SFRP4: variants seen among roughly 807,000 people sequenced by gnomAD.
The protein encoded by SFRP4 is secreted frizzled related protein 4, also known as secreted frizzled-related protein 4.
A neutral mutation model predicts 36.3 loss-of-function variants in SFRP4; 25 were observed. That is an observed-to-expected ratio of 0.69 (90% confidence interval 0.50 to 0.96). The LOEUF is 0.96. Ranked by LOEUF, SFRP4 falls within the 40% of genes least tolerant of loss-of-function variation. The pLI, the probability that SFRP4 is intolerant of heterozygous loss-of-function variation, is 0.00. For synonymous variants in SFRP4, 182 were observed against 168.8 expected, an observed-to-expected ratio of 1.08 and a Z score of -0.60; for missense variants, 487 against 459.6, an observed-to-expected ratio of 1.06 and a Z score of -0.54.
rs548802541 is a variant in SFRP4 at position 37,915,976 on chromosome 7, C to T, written c.445+117G>A. 4.1e-5 allele frequency: 59 copies of T among 1,437,802 alleles called. No homozygotes were observed. In the East Asian group the frequency reaches 1.4e-3, roughly 35 times the overall value. The allele number at this position is 1,437,802 out of a possible 1,614,324, so 89.1% of individuals were successfully genotyped here. A position where few individuals can be genotyped will look rare whatever the true frequency, so the allele number is the denominator to read the frequency against. On this transcript the variant is annotated intron_variant, in intron 1 of 5. Coordinates refer to ENST00000436072, the MANE Select transcript of SFRP4 (RefSeq NM_003014.4). Reference sequence around the variant, plus strand: ...AGAAAATGTTTCCCCCATTCTTTCCCACCTCCTACAAGCCTCAGACGCCCC... The same window carrying T: ...AGAAAATGTTTCCCCCATTCTTTCCTACCTCCTACAAGCCTCAGACGCCCC...
intron 4 of SFRP4, among the ~76,000 whole-genome samples, chr7:37,910,719 G>A (rs1450858): frequency 0.97 from 148,173 of 152,248 alleles, 72,253 homozygotes; most frequent in East Asian, 1. Flanking sequence ...TTTACAAATA[G>A]GAATATTTTC....
At position 37,912,166 on chromosome 7, in the gene SFRP4, G is replaced by T; in HGVS notation, c.744C>A (p.Ile248=). The change falls in exon 4 of 6, where the codon ATC becomes ATA. Residue 248 remains isoleucine, a synonymous_variant. Coordinates refer to ENST00000436072, the MANE Select transcript of SFRP4 (RefSeq NM_003014.4). ...TGATGAGAACATCTTGATGGGGCAGGATGTGTGGACACTGGCAAGAAGAAT... is the reference window on the plus strand; with the variant it reads ...TGATGAGAACATCTTGATGGGGCAGTATGTGTGGACACTGGCAAGAAGAAT... ...ITNSSCQCPH[I]LPHQDVLIMC... is the part of the protein sequence containing the mutation. 1 of 1,614,170 alleles carries T rather than the reference G, an allele frequency of 6.2e-7. No homozygotes were observed. The highest frequency in any genetic ancestry group is 8.5e-7 in the Non-Finnish European group (1 of 1,180,012).
In SFRP4 at chr7:37,912,239, A is replaced by G; in HGVS notation, c.671T>C (p.Phe224Ser). ...VTTVVDVKEI[F>S]KSSSPIPRTQ... is the part of the protein sequence containing the mutation. ...TCGAGGGATGGGTGATGAGGACTTG[A>G]AGATCTCTTTTACATCCACCACCGT... is the stretch of plus-strand genomic sequence containing the variant. Residue 224 changes from phenylalanine (F) to serine (S), a missense_variant, in exon 4 of 6, where the codon TTC (phenylalanine) becomes TCC (serine). By Grantham distance (155) the Phe-to-Ser change is radical (BLOSUM62 -2). Transcript: ENST00000436072. 6.2e-7 allele frequency: 1 copy of G among 1,614,128 alleles called. No homozygotes were observed.
chr7:37,915,703 G>T (rs74420660), intron 1 of SFRP4, among the ~76,000 whole-genome samples: 2 of 151,866 alleles, frequency 1.3e-5, no homozygotes, highest in Non-Finnish European at 2.9e-5. Flanking sequence ...TAAATGGAAC[G>T]AGTATTGGCA....
At chr7:37,908,118 T>G (rs1000669793) in intron 5 of SFRP4, among the ~76,000 whole-genome samples, 1 of 152,194 alleles carries the variant, frequency 6.6e-6, no homozygotes, top group Admixed American at 6.5e-5. Flanking sequence ...GTTTACCCCA[T>G]GTCACTGGGA....
chr7:37,913,548 T>C (rs1482183939), intron 3 of SFRP4, among the ~76,000 whole-genome samples: 2 of 152,240 alleles, frequency 1.3e-5, no homozygotes, highest in African/African-American at 4.8e-5. Context: ...ATATGTTAAT[T>C]AAATTTACTT....
chr7:37,911,076 C>G (rs185397077), intron 4 of SFRP4, among the ~76,000 whole-genome samples: 2 of 152,194 alleles, frequency 1.3e-5, no homozygotes, highest in Admixed American at 1.3e-4. Context: ...GACCAACAAC[C>G]TGGTATCCCC....
chr7:37,909,712 T>G, intron 4 of SFRP4, 32 bp from the exon 5 acceptor site: 1 of 1,318,314 alleles, frequency 7.6e-7, no homozygotes, highest in Non-Finnish European at 1.1e-6. Flanking sequence ...AAACAGATTT[T>G]TATTACAAAA....
chr7:37,914,489 T>C (rs1227836027), intron 1 of SFRP4, 36 bp from the exon 2 acceptor site: 1 of 1,495,968 alleles, frequency 6.7e-7, no homozygotes, highest in Non-Finnish European at 9.3e-7. Context: ...GCGTGGTTGG[T>C]GATTTGGTCT....
At position 37,909,652 on chromosome 7, in the gene SFRP4, C is replaced by A. The variant is rs1785451299; in HGVS notation, c.820G>T (p.Glu274Ter). Reference sequence around the variant, plus strand: ...TTACTAAGCTGATCTCTCCATTTTTCAACTAAGCAATTTTCAAGAAGCATC... The same window carrying A: ...TTACTAAGCTGATCTCTCCATTTTTAAACTAAGCAATTTTCAAGAAGCATC... ...RMMLLENCLV[E>*]KWRDQLSKRS... is the part of the protein sequence containing the mutation. The change falls in exon 5 of 6, where the codon GAA becomes TAA. Residue 274 changes from glutamate to a stop codon, truncating the protein, a stop_gained. Coordinates refer to ENST00000436072, the MANE Select transcript of SFRP4 (RefSeq NM_003014.4). LOFTEE classifies it high-confidence loss of function. The A allele has an allele frequency of 6.3e-7, 1 of 1,581,398 alleles. No individual in the cohort carries two copies. The highest frequency in any genetic ancestry group is 1.2e-5 in the South Asian group (1 of 84,806).
At chr7:37,908,024 C>T (rs1785424883) in intron 5 of SFRP4, among the ~76,000 whole-genome samples, 1 of 152,158 alleles carries the variant, frequency 6.6e-6, no homozygotes, top group African/African-American at 2.4e-5. Flanking sequence ...CACCCATGCA[C>T]TTTTGACCAC....
At position 37,916,714 on chromosome 7, in the gene SFRP4, C is replaced by T. The variant is rs1336004728; in HGVS notation, c.-177G>A. 7.3e-6 allele frequency: 7 copies of T among 955,426 alleles called. No individual in the cohort carries two copies. In the East Asian group the frequency reaches 7.9e-5, roughly 11 times the overall value. The allele number at this position is 955,426 out of a possible 1,614,324, so 59.2% of individuals were successfully genotyped here. A position where few individuals can be genotyped will look rare whatever the true frequency, so the allele number is the denominator to read the frequency against. On this transcript the variant is annotated 5_prime_UTR_variant, in exon 1 of 6. Coordinates refer to ENST00000436072, the MANE Select transcript of SFRP4 (RefSeq NM_003014.4). The surrounding 1 kb of genome is among the most constrained non-coding windows in gnomAD (Gnocchi z 4.1). ...GCCGCGGGGTCCGGCCGCGGAGCTC[C>T]GCCGTCTGGCACACAGGGCACGAGC...
intron 4 of SFRP4, among the ~76,000 whole-genome samples, chr7:37,910,399 AT>A (rs1298685805): frequency 2.0e-5 from 3 of 151,896 alleles, no homozygotes; most frequent in African/African-American, 7.2e-5. Context: ...TTAAATATTA[AT>A]TTTATGAACT....
At chr7:37,908,730 T>G (rs1398187701) in intron 5 of SFRP4, among the ~76,000 whole-genome samples, 1 of 152,196 alleles carries the variant, frequency 6.6e-6, no homozygotes, top group Admixed American at 6.5e-5. Flanking sequence ...GAATTTCCTG[T>G]CTAATAGAAC....
chr7:37,912,372 G>A (rs1160240858), intron 3 of SFRP4, 55 bp from the exon 4 acceptor site: 2 of 1,408,298 alleles, frequency 1.4e-6, no homozygotes, highest in Non-Finnish European at 2.0e-6. Flanking sequence ...AAAAACTAGG[G>A]ATGGTGTATT....
rs1785588783 is a variant in SFRP4, at chr7:37,916,760, GGGGCGCGAACCCGCCC to G, written c.-239_-224del. The stretch of plus-strand genomic sequence containing the variant: ...CGAGCAGCGCCAGCTCTCAGCCTTC[GGGGCGCGAACCCGCCC>G]GGGCAGCTCCAGTCCCGGACTCCGC... On this transcript the variant is annotated 5_prime_UTR_variant, in exon 1 of 6. Coordinates refer to ENST00000436072, the MANE Select transcript of SFRP4 (RefSeq NM_003014.4). The surrounding 1 kb of genome is among the most constrained non-coding windows in gnomAD (Gnocchi z 4.1). 1.5e-6 allele frequency: 1 copy of G among 688,118 alleles called. No homozygotes were observed. The highest frequency in any genetic ancestry group is 3.0e-5 in the Admixed American group (1 of 33,594). 42.6% of individuals were successfully genotyped at this position (688,118 alleles called of 1,614,324 possible).
intron 1 of SFRP4, among the ~76,000 whole-genome samples, chr7:37,915,267 T>C (rs1399994821): frequency 1.3e-5 from 2 of 152,202 alleles, no homozygotes; most frequent in Non-Finnish European, 2.9e-5. Flanking sequence ...AACTCTAAAT[T>C]AGAGAGGAGT....
rs377549331 is a variant in SFRP4 at position 37,909,452 on chromosome 7, G to A, written c.855+165C>T. ...TAGATTCCTGGTAAAAATTCTGAGT[G>A]AGAATAGCTACACTCTTAACGGCCT... is the stretch of plus-strand genomic sequence containing the variant. On this transcript the variant is annotated intron_variant, in intron 5 of 5. Transcript: ENST00000436072. Among the ~76,000 whole-genome samples the A allele has an allele frequency of 8.5e-5, 13 of 152,250 alleles. 1 individual carries two copies. Among genetic ancestry groups the A allele is most frequent in the East Asian group, 5.8e-4 (3 of 5,180 alleles).
intron 3 of SFRP4, 41 bp downstream of exon 3, chr7:37,914,172 A>T (rs780979250): frequency 8.8e-6 from 13 of 1,478,610 alleles, no homozygotes; most frequent in Admixed American, 1.7e-5. Flanking sequence ...CTTTGTAATG[A>T]ACCAAGTCTC....
Sources: allele counts gnomAD v4.1 joint callset (sites outside exome capture counted in the v4.1 genomes callset), GRCh38; gene constraint gnomAD v4.1.1; non-coding constraint Gnocchi (gnomAD v3.1); transcripts MANE v1.5; gene names NCBI Gene and HGNC (gene_info 2026-07-23, HGNC 2026-07-21).